EXOC4: variants seen among roughly 807,000 people sequenced by gnomAD.
EXOC4 encodes exocyst complex component 4.
In EXOC4, 71 loss-of-function variants were observed where a neutral mutation model predicts 107.2. The observed-to-expected ratio is 0.66, with a 90% CI of 0.55 to 0.81. The LOEUF is 0.81. Among genes scored for constraint, EXOC4 ranks in the 30% least tolerant of loss-of-function variants. EXOC4 has a pLI of 0.00. For missense variants in EXOC4, 1,108 were observed against 1,189.6 expected (o/e 0.93, Z 1.01); for synonymous variants, 456 against 441.2 (o/e 1.03, Z -0.42).
chr7:134,029,963 G>A (rs761976638), intron 17 of EXOC4, among the ~76,000 whole-genome samples: 20 of 152,194 alleles, frequency 1.3e-4, no homozygotes, highest in South Asian at 4.1e-4. Flanking sequence ...TATCTGGAAC[G>A]TTTCCTAAAG....
intron 12 of EXOC4, among the ~76,000 whole-genome samples, chr7:133,903,749 A>G (rs1799506578): frequency 3.9e-5 from 6 of 152,250 alleles, no homozygotes; most frequent in African/African-American, 1.4e-4. Flanking sequence ...AATGGAATTT[A>G]AAACTATGGG....
chr7:133,540,167 T>A (rs1037103625), intron 9 of EXOC4, among the ~76,000 whole-genome samples: 3 of 152,224 alleles, frequency 2.0e-5, no homozygotes, highest in Non-Finnish European at 4.4e-5. Context: ...TTATCATTTA[T>A]GTAGCACCTG....
intron 2 of EXOC4, among the ~76,000 whole-genome samples, chr7:133,278,494 G>A (rs1794050964): frequency 6.6e-6 from 1 of 152,162 alleles, no homozygotes; most frequent in South Asian, 2.1e-4. Context: ...GCCCATATGA[G>A]CCAACACCTG....
chr7:133,884,582 TG>T (rs956037180), intron 11 of EXOC4, among the ~76,000 whole-genome samples: 409 of 12,972 alleles, frequency 0.032, no homozygotes, highest in African/African-American at 0.13. Flanking sequence ...CCCTATGCTC[TG>T]TGTGTGTGTG....
At chr7:133,789,790 T>C (rs1796666601) in intron 10 of EXOC4, among the ~76,000 whole-genome samples, 1 of 152,236 alleles carries the variant, frequency 6.6e-6, no homozygotes, top group South Asian at 2.1e-4. Context: ...TTTCTAAGAA[T>C]ACACTGTTGC....
intron 7 of EXOC4, among the ~76,000 whole-genome samples, chr7:133,411,603 T>C (rs1584895983): frequency 6.6e-6 from 1 of 152,324 alleles, no homozygotes; most frequent in East Asian, 1.9e-4. Context: ...AACTAGATGT[T>C]ATCACAGATT....
rs527259491 is a variant in EXOC4, at chr7:133,858,404, G to C, written c.1735-37195G>C. ...GATTGGTTCATGGTTGGGAGGAAGT[G>C]TGTGCTGATTGGTCCATGGGTGGAC... On this transcript the variant is annotated intron_variant, in intron 11 of 17. Transcript: ENST00000253861. 2.0e-5 allele frequency among the ~76,000 whole-genome samples: 3 copies of C among 152,136 alleles called. No homozygotes were observed. In the South Asian group the frequency reaches 6.2e-4, roughly 32 times the overall value.
intron 7 of EXOC4, among the ~76,000 whole-genome samples, chr7:133,378,898 T>C (rs1796552842): frequency 6.6e-6 from 1 of 151,950 alleles, no homozygotes; most frequent in Non-Finnish European, 1.5e-5. Flanking sequence ...TAGACATAAA[T>C]CGACCAGATA....
At chr7:133,971,173 G>A (rs1430486630) in intron 14 of EXOC4, among the ~76,000 whole-genome samples, 6 of 151,636 alleles carry the variant, frequency 4.0e-5, no homozygotes, top group African/African-American at 1.5e-4. Context: ...GGCAAATGGA[G>A]GAAAACCTAA....
In EXOC4 at chr7:133,971,351, TATATATATATAGAGAG is replaced by T. The variant is rs1437604368; in HGVS notation, c.2207-26139_2207-26124del. On this transcript the variant is annotated intron_variant, in intron 14 of 17. Transcript: ENST00000253861. ...GAAAATGTGTATATATATATATATA[TATATATATATAGAGAG>T]AGAGAGAGAGAGAGAGAGAGAGAGA... Among the ~76,000 whole-genome samples, 207 of 102,254 alleles carry T rather than the reference TATATATATATAGAGAG, an allele frequency of 2.0e-3. 4 individuals carry two copies. The highest frequency in any genetic ancestry group is 2.7e-3 in the Non-Finnish European group (143 of 52,070). The allele number at this position is 102,254 out of a possible 152,430, so 67.1% of individuals were successfully genotyped here. A position where few individuals can be genotyped will look rare whatever the true frequency, so the allele number is the denominator to read the frequency against.
chr7:133,395,893 C>T (rs992230158), intron 7 of EXOC4, among the ~76,000 whole-genome samples: 5 of 151,756 alleles, frequency 3.3e-5, no homozygotes, highest in South Asian at 2.1e-4. Context: ...TTACAGCATA[C>T]GAACATGGCA....
chr7:134,020,038 G>A (rs1352402066), intron 17 of EXOC4, among the ~76,000 whole-genome samples: 1 of 152,114 alleles, frequency 6.6e-6, no homozygotes, highest in East Asian at 1.9e-4. Context: ...GCAACACTTA[G>A]ACCCGAGACC....
chr7:133,366,030 C>G (rs940336627), intron 6 of EXOC4, among the ~76,000 whole-genome samples: 1 of 152,134 alleles, frequency 6.6e-6, no homozygotes, highest in African/African-American at 2.4e-5. Flanking sequence ...AGAACTAATT[C>G]TTCTATCTTG....
chr7:133,998,783 G>T (rs78663821), intron 15 of EXOC4, among the ~76,000 whole-genome samples: 1 of 152,280 alleles, frequency 6.6e-6, no homozygotes, highest in East Asian at 1.9e-4. Flanking sequence ...ATGGAAAAGG[G>T]ATTGCAGGGA....
chr7:134,045,879 T>C (rs1187696242), intron 17 of EXOC4, among the ~76,000 whole-genome samples: 1 of 152,134 alleles, frequency 6.6e-6, no homozygotes, highest in Non-Finnish European at 1.5e-5. Flanking sequence ...CAATATTTAG[T>C]CTTTTGCGGC....
chr7:133,301,393 C>T (rs1315605594), intron 3 of EXOC4, among the ~76,000 whole-genome samples: 5 of 152,116 alleles, frequency 3.3e-5, no homozygotes, highest in Non-Finnish European at 5.9e-5. Context: ...TCTGGAGTAG[C>T]CTAATTTTAT....
intron 17 of EXOC4, among the ~76,000 whole-genome samples, chr7:134,025,679 T>C (rs540852380): frequency 6.6e-6 from 1 of 152,222 alleles, no homozygotes; most frequent in Admixed American, 6.5e-5. Context: ...TGTTTCTGTG[T>C]AGTCTCAGAG....
At chr7:133,419,595 G>A (rs1431790320) in intron 7 of EXOC4, among the ~76,000 whole-genome samples, 1 of 152,014 alleles carries the variant, frequency 6.6e-6, no homozygotes, top group East Asian at 1.9e-4. Context: ...AGCCATGGAG[G>A]ATATGGTTTT....
intron 9 of EXOC4, among the ~76,000 whole-genome samples, chr7:133,490,562 CAG>C (rs1799352894): frequency 6.6e-6 from 1 of 152,164 alleles, no homozygotes; most frequent in Admixed American, 6.6e-5. Flanking sequence ...CTTCTCTCAT[CAG>C]AGTTTCACAA....
Sources: gnomAD v4.1 joint callset for allele counts (sites outside exome capture counted in the v4.1 genomes callset) on GRCh38, gnomAD v4.1.1 for gene constraint, MANE v1.5 for transcripts, NCBI Gene and HGNC (gene_info 2026-07-23, HGNC 2026-07-21) for gene names.